Variants in NYAP2 observed in about 807,000 individuals in gnomAD.
NYAP2 encodes neuronal tyrosine-phosphorylated phosphoinositide-3-kinase adaptor 2.
Under a neutral mutation model 50.4 loss-of-function variants are expected in NYAP2, and 23 were observed. The observed-to-expected ratio is 0.46, with a 90% CI of 0.33 to 0.65. The LOEUF is 0.65. Among genes scored for constraint, NYAP2 ranks in the 30% least tolerant of loss-of-function variants. NYAP2 has a pLI of 0.02. For missense variants in NYAP2, 885 were observed against 861.0 expected, an observed-to-expected ratio of 1.03 and a Z score of -0.35; for synonymous variants, 394 against 365.2, an observed-to-expected ratio of 1.08 and a Z score of -0.90.
At chr2:225,425,108 C>T (rs146453304) in intron 3 of NYAP2, among the ~76,000 whole-genome samples, 43 of 152,018 alleles carry the variant, frequency 2.8e-4, no homozygotes, top group African/African-American at 9.6e-4. Flanking sequence ...GAGACAGAAA[C>T]ATTTAAGGTC....
chr2:225,657,198 C>T (rs781630650), downstream of NYAP2, among the ~76,000 whole-genome samples: 4 of 150,802 alleles, frequency 2.7e-5, no homozygotes, highest in Non-Finnish European at 5.9e-5. Context: ...GCAACCTCCA[C>T]CTCCAAGTTC....
intron 4 of NYAP2, 41 bp downstream of exon 4, chr2:225,513,713 A>C (rs1364355315): frequency 1.4e-6 from 2 of 1,466,256 alleles, no homozygotes; most frequent in East Asian, 4.9e-5. Flanking sequence ...AATCTCTTTC[A>C]GATAGTATGT....
At chr2:225,662,724 G>A in the NYAP2 span, among the ~76,000 whole-genome samples, 22 of 152,232 alleles carry the variant, frequency 1.4e-4, no homozygotes, top group Non-Finnish European at 7.3e-5. Context: ...GGTGTCAGGA[G>A]TAATCCTACC....
chr2:225,487,326 C>T (rs375362670), intron 3 of NYAP2, among the ~76,000 whole-genome samples: 57 of 152,036 alleles, frequency 3.7e-4, no homozygotes, highest in African/African-American at 1.3e-3. Flanking sequence ...TAGCCTCGAG[C>T]CTCCTTTCTC....
At chr2:225,499,127 A>C (rs1690556768) in intron 3 of NYAP2, among the ~76,000 whole-genome samples, 1 of 152,206 alleles carries the variant, frequency 6.6e-6, no homozygotes, top group Non-Finnish European at 1.5e-5. Context: ...AAGAGAAGTC[A>C]GTGGAAATAC....
intron 4 of NYAP2, among the ~76,000 whole-genome samples, chr2:225,562,243 A>G (rs1691888629): frequency 6.6e-6 from 1 of 152,152 alleles, no homozygotes; most frequent in Non-Finnish European, 1.5e-5. Context: ...ATGACAAATG[A>G]CACACAAATG....
At chr2:225,615,199 G>A (rs1453899417) in intron 5 of NYAP2, among the ~76,000 whole-genome samples, 1 of 152,150 alleles carries the variant, frequency 6.6e-6, no homozygotes, top group African/African-American at 2.4e-5. Context: ...CCAGAAAGAA[G>A]GACAAAGGGA....
At chr2:225,463,240 T>C (rs930889021) in intron 3 of NYAP2, among the ~76,000 whole-genome samples, 3 of 152,254 alleles carry the variant, frequency 2.0e-5, no homozygotes, top group Non-Finnish European at 4.4e-5. Context: ...GCAGCCCTGT[T>C]TTCAGTGCTA....
the NYAP2 span, among the ~76,000 whole-genome samples, chr2:225,660,441 A>ATTTTT: frequency 2.0e-4 from 27 of 134,000 alleles, 2 homozygotes; most frequent in South Asian, 5.0e-4. Flanking sequence ...CACAGGATAC[A>ATTTTT]TTTTTTTTTT....
chr2:225,493,011 G>A (rs528916059), intron 3 of NYAP2, among the ~76,000 whole-genome samples: 1 of 151,114 alleles, frequency 6.6e-6, no homozygotes, highest in African/African-American at 2.4e-5. Context: ...TTTTTAGACA[G>A]GGTCTCACTG....
At chr2:225,473,037 A>C (rs1574632191) in intron 3 of NYAP2, among the ~76,000 whole-genome samples, 2 of 152,062 alleles carry the variant, frequency 1.3e-5, no homozygotes, top group South Asian at 2.1e-4. Context: ...CAATTCCCAC[A>C]TATGAGTGAG....
At chr2:225,660,658 G>A in the NYAP2 span, among the ~76,000 whole-genome samples, 1 of 152,066 alleles carries the variant, frequency 6.6e-6, no homozygotes, top group African/African-American at 2.4e-5. Context: ...CCTAGCGTCT[G>A]TAGCGCACTT....
chr2:225,569,101 G>T (rs1692018339), intron 4 of NYAP2, among the ~76,000 whole-genome samples: 1 of 152,284 alleles, frequency 6.6e-6, no homozygotes, highest in African/African-American at 2.4e-5. Context: ...ATAATTTTTA[G>T]TGGGGAAATG....
At chr2:225,672,896 C>T in the NYAP2 span, among the ~76,000 whole-genome samples, 4 of 151,992 alleles carry the variant, frequency 2.6e-5, no homozygotes, top group South Asian at 4.2e-4. Context: ...GGGCATGGTT[C>T]GTGGTGCCCC....
At chr2:225,698,792 T>C in the NYAP2 span, 3 of 151,954 alleles carry the variant, frequency 2.0e-5, no homozygotes, top group African/African-American at 7.2e-5. Flanking sequence ...ATGGGTGACA[T>C]CTGAAATAAT....
chr2:225,686,499 AAT>A, the NYAP2 span, among the ~76,000 whole-genome samples: 1 of 152,150 alleles, frequency 6.6e-6, no homozygotes, highest in Non-Finnish European at 1.5e-5. Flanking sequence ...CATACTTGTG[AAT>A]ATACTTACAG....
At chr2:225,558,116 T>C (rs1267935346) in intron 4 of NYAP2, among the ~76,000 whole-genome samples, 1 of 152,158 alleles carries the variant, frequency 6.6e-6, no homozygotes, top group Non-Finnish European at 1.5e-5. Flanking sequence ...GAGGGCTGGA[T>C]CTGTCAACTA....
chr2:225,500,221 G>C (rs928866894), intron 3 of NYAP2, among the ~76,000 whole-genome samples: 1 of 152,178 alleles, frequency 6.6e-6, no homozygotes, highest in Non-Finnish European at 1.5e-5. Context: ...TGTCAAAACC[G>C]AGGTTTCCTA....
chr2:225,512,163 A>G (rs2106184583), intron 3 of NYAP2, among the ~76,000 whole-genome samples: 1 of 152,288 alleles, frequency 6.6e-6, no homozygotes, highest in South Asian at 2.1e-4. Flanking sequence ...GTCATTTCCT[A>G]AATAATTGCT....
Sources: gnomAD v4.1 joint callset for allele counts (sites outside exome capture counted in the v4.1 genomes callset) on GRCh38, gnomAD v4.1.1 for gene constraint, MANE v1.5 for transcripts, NCBI Gene and HGNC (gene_info 2026-07-23, HGNC 2026-07-21) for gene names.